The following MICAL3 variants were observed in gnomAD, a reference collection of about 807,000 sequenced individuals.
MICAL3 encodes the protein microtubule associated monooxygenase, calponin and LIM domain containing 3.
In MICAL3, 62 loss-of-function variants were observed where a neutral mutation model predicts 207.4. That is an observed-to-expected ratio of 0.30 (90% CI 0.24 to 0.37). The LOEUF (loss-of-function observed/expected upper bound fraction) is 0.37, where lower values mean the gene tolerates loss of function less well. Among genes scored for constraint, MICAL3 ranks in the 10% least tolerant of loss-of-function variants. The pLI, the probability that MICAL3 is intolerant of heterozygous loss-of-function variation, is 1.00. For synonymous variants in MICAL3, 1,077 were observed against 1,069.3 expected (o/e 1.01, Z -0.14); for missense variants, 2,368 against 2,635.6 (o/e 0.90, Z 2.22).
In MICAL3 at chr22:17,908,166, C is replaced by T. The variant is rs995557397; in HGVS notation, c.-74-1280G>A. ...TAGAGAGTGGGTCAGGGTGACAAGA[C>T]GAGTGTGACCACAGGGCTGAGCCCA... On this transcript the variant is annotated intron_variant, in intron 1 of 31. Transcript: ENST00000441493. Among the ~76,000 whole-genome samples the T allele has an allele frequency of 9.9e-5, 15 of 152,278 alleles. 1 individual carries two copies. The East Asian group carries it at 2.1e-3, about 22-fold the overall frequency.
At chr22:17,888,626 T>A (rs904959793) in intron 13 of MICAL3, among the ~76,000 whole-genome samples, 1 of 152,032 alleles carries the variant, frequency 6.6e-6, no homozygotes, top group Non-Finnish European at 1.5e-5. Context: ...TCCTCCTCAC[T>A]GGGGAACAGC....
At chr22:17,977,500 T>C (rs1369674523) in intron 1 of MICAL3, among the ~76,000 whole-genome samples, 1 of 149,824 alleles carries the variant, frequency 6.7e-6, no homozygotes, top group African/African-American at 2.5e-5. Flanking sequence ...AACCCTCAAA[T>C]GAGGTATCAC....
intron 1 of MICAL3, among the ~76,000 whole-genome samples, chr22:17,982,586 G>T (rs371877654): frequency 6.6e-6 from 1 of 152,018 alleles, no homozygotes; most frequent in South Asian, 2.1e-4. Context: ...CAGGAGAATC[G>T]CTTGAACCAA....
chr22:17,827,918 C>T (rs962575651), intron 21 of MICAL3, 137 bp from the exon 22 acceptor site: 1 of 747,058 alleles, frequency 1.3e-6, no homozygotes, highest in Non-Finnish European at 2.1e-6. Context: ...AAATTAAGAA[C>T]ATGTATGCAC....
intron 17 of MICAL3, among the ~76,000 whole-genome samples, chr22:17,869,441 G>A (rs1927495575): frequency 6.6e-6 from 1 of 152,104 alleles, no homozygotes; most frequent in Admixed American, 6.6e-5. Flanking sequence ...ACCACCTGTG[G>A]AGGTAGCGTA....
At chr22:17,876,270 C>T (rs1928329535) in intron 16 of MICAL3, 1 of 152,276 alleles carries the variant, frequency 6.6e-6, no homozygotes, top group Non-Finnish European at 1.5e-5. Context: ...TGACCGAAAG[C>T]TTTGGCAACC....
At chr22:17,882,815 C>T (rs1057319294) in intron 16 of MICAL3, among the ~76,000 whole-genome samples, 14 of 152,216 alleles carry the variant, frequency 9.2e-5, no homozygotes, top group Non-Finnish European at 1.9e-4. Flanking sequence ...GTGCCCATCC[C>T]ACAGAACCTG....
At chr22:17,835,050 C>A (rs891722484) in intron 20 of MICAL3, among the ~76,000 whole-genome samples, 1 of 152,214 alleles carries the variant, frequency 6.6e-6, no homozygotes, top group Non-Finnish European at 1.5e-5. Flanking sequence ...CCTGTCCTCA[C>A]CCTGCGCCAT....
intron 7 of MICAL3, among the ~76,000 whole-genome samples, chr22:17,897,994 A>AG (rs1930994013): frequency 6.6e-6 from 1 of 152,198 alleles, no homozygotes; most frequent in Non-Finnish European, 1.5e-5. Flanking sequence ...AAGATGTTAA[A>AG]GCCAAAACAC....
At chr22:17,875,441 T>C (rs756158739) in intron 16 of MICAL3, 6 of 1,545,170 alleles carry the variant, frequency 3.9e-6, no homozygotes, top group East Asian at 2.4e-5. Flanking sequence ...TCCTAGGCCA[T>C]GCTACCTGTC....
chr22:17,812,118 C>T (rs573093179), intron 27 of MICAL3, among the ~76,000 whole-genome samples: 21 of 152,310 alleles, frequency 1.4e-4, no homozygotes, highest in Admixed American at 1.2e-3. Context: ...AATCTTCACT[C>T]GAAGAGCTCA....
At position 17,886,020 on chromosome 22, in the gene MICAL3, C is replaced by G. The variant is rs764586910; in HGVS notation, c.2099G>C (p.Arg700Thr). The part of the protein sequence containing the change: ...EEAPRGHRGE[R>T]PTLVSTLTDR... ...TGTCAGAGTGCTCACCAGGGTCGGT[C>G]TTTCTCCTCTGTGGCCCCGAGGAGC... is the stretch of plus-strand genomic sequence containing the variant. The change falls in exon 16 of 32, where the codon AGA becomes ACA. Residue 700 changes from arginine (R) to threonine (T), a missense_variant. Arg to Thr is a moderately conservative substitution (Grantham distance 71, BLOSUM62 -1). This residue lies in a region of MICAL3 where 1,770 missense variants were observed against 1,863.2 expected (regional missense o/e 0.95). Coordinates refer to ENST00000441493, the MANE Select transcript of MICAL3 (RefSeq NM_015241.3). 1.9e-6 allele frequency: 3 copies of G among 1,614,044 alleles called. No homozygotes were observed. The highest frequency in any genetic ancestry group is 2.5e-6 in the Non-Finnish European group (3 of 1,179,900).
At chr22:17,915,829 T>C (rs1048009514) in intron 1 of MICAL3, among the ~76,000 whole-genome samples, 1 of 151,880 alleles carries the variant, frequency 6.6e-6, no homozygotes, top group Non-Finnish European at 1.5e-5. Context: ...TGGCGACTGA[T>C]GACTGTAAAC....
At chr22:17,959,010 G>GTTTTTTTT (rs34107784) in intron 1 of MICAL3, among the ~76,000 whole-genome samples, 3 of 85,866 alleles carry the variant, frequency 3.5e-5, no homozygotes, top group Non-Finnish European at 4.1e-5. Flanking sequence ...CGGGCCTGGG[G>GTTTTTTTT]TTTTTTTTTT....
chr22:17,883,510 G>GC (rs1929611107), intron 16 of MICAL3, among the ~76,000 whole-genome samples: 1 of 152,180 alleles, frequency 6.6e-6, no homozygotes, highest in Non-Finnish European at 1.5e-5. Flanking sequence ...GGCCCTCTCA[G>GC]CATCTCAGCA....
At chr22:17,957,785 ACTTT>A (rs1354899597) in intron 1 of MICAL3, among the ~76,000 whole-genome samples, 2 of 151,878 alleles carry the variant, frequency 1.3e-5, no homozygotes, top group African/African-American at 2.4e-5. Flanking sequence ...AAAGAAAGAA[ACTTT>A]CTTTCTTTAC....
At chr22:18,008,256 G>T (rs575125247) in intron 1 of MICAL3, among the ~76,000 whole-genome samples, 1 of 152,150 alleles carries the variant, frequency 6.6e-6, no homozygotes, top group Non-Finnish European at 1.5e-5. Context: ...AAAAAGCATG[G>T]TGCAATAGGA....
At chr22:17,977,214 C>T (rs919613751) in intron 1 of MICAL3, among the ~76,000 whole-genome samples, 15 of 152,136 alleles carry the variant, frequency 9.9e-5, no homozygotes, top group African/African-American at 3.6e-4. Flanking sequence ...AACGTGTATG[C>T]TTCAAAGCAT....
chr22:17,823,932 A>G (rs541285993), intron 22 of MICAL3, among the ~76,000 whole-genome samples: 3 of 152,328 alleles, frequency 2.0e-5, no homozygotes, highest in South Asian at 4.1e-4. Context: ...CTTCCCTTGC[A>G]ATAATTTAGA....
Sources: allele counts gnomAD v4.1 joint callset (sites outside exome capture counted in the v4.1 genomes callset), GRCh38; gene constraint gnomAD v4.1.1; regional missense constraint gnomAD v4.1.1; transcripts MANE v1.5; gene names NCBI Gene and HGNC (gene_info 2026-07-23, HGNC 2026-07-21).